The following TSHZ3 variants were observed in gnomAD, a reference collection of about 807,000 sequenced individuals.
The protein encoded by TSHZ3 is teashirt homolog 3.
A neutral mutation model predicts 64.5 loss-of-function variants in TSHZ3; 10 were observed. The observed-to-expected ratio is 0.16, with a 90% confidence interval of 0.10 to 0.26. The LOEUF (loss-of-function observed/expected upper bound fraction) is 0.26, where lower values mean the gene tolerates loss of function less well. TSHZ3 is among the 10% of genes least tolerant of loss of function. TSHZ3 has a pLI of 1.00. For missense variants in TSHZ3, 1,242 were observed against 1,421.7 expected (o/e 0.87, Z 2.03); for synonymous variants, 608 against 593.1 (o/e 1.03, Z -0.36).
chr19:31,337,793 A>G (rs1917296631), intron 1 of TSHZ3, among the ~76,000 whole-genome samples: 1 of 151,716 alleles, frequency 6.6e-6, no homozygotes, highest in African/African-American at 2.4e-5. Context: ...TACCATTTCC[A>G]TTTCTTTCCT....
chr19:31,263,300 G>A (rs1295180775), intron 1 of TSHZ3, among the ~76,000 whole-genome samples: 1 of 152,226 alleles, frequency 6.6e-6, no homozygotes, highest in African/African-American at 2.4e-5. Context: ...TCATTTTCAT[G>A]GAGGAAGGAC....
intron 6 of TSHZ3, among the ~76,000 whole-genome samples, chr19:31,152,540 G>C (rs1004436955): frequency 3.3e-5 from 5 of 152,210 alleles, no homozygotes; most frequent in South Asian, 2.1e-4. Context: ...CAATATAATT[G>C]TAACATGACT....
Position 31,169,062 on chromosome 19 carries a change from G to A in TSHZ3, n.810-12645C>T, listed in dbSNP as rs1211104401. 2.6e-5 allele frequency among the ~76,000 whole-genome samples: 4 copies of A among 152,094 alleles called. No individual in the cohort carries two copies. The East Asian group carries it at 7.7e-4, about 29-fold the overall frequency. ...CTGGAAATGGGAGAACCACAGGGCT[G>A]GGGAAGATGGTCACTCCACCCAGTG... On this transcript the variant is annotated intron_variant and non_coding_transcript_variant, in intron 5 of 6. Transcript: ENST00000651361.
intron 1 of TSHZ3, among the ~76,000 whole-genome samples, chr19:31,319,459 A>G (rs1443962249): frequency 1.3e-5 from 2 of 152,238 alleles, no homozygotes; most frequent in East Asian, 3.9e-4. Flanking sequence ...GCCACACTGA[A>G]GAAGTGAAAA....
chr19:31,178,591 A>G (rs1311930423), intron 5 of TSHZ3, among the ~76,000 whole-genome samples: 2 of 152,202 alleles, frequency 1.3e-5, no homozygotes, highest in African/African-American at 4.8e-5. Flanking sequence ...AGGCAGGAGA[A>G]TCACTTGAAA....
downstream of TSHZ3, among the ~76,000 whole-genome samples, chr19:31,274,696 A>C (rs1976195408): frequency 6.6e-6 from 1 of 151,662 alleles, no homozygotes; most frequent in Non-Finnish European, 1.5e-5. Flanking sequence ...CCTTATAGGC[A>C]TATCTTCCTT....
chr19:31,346,267 G>C (rs1917590214), intron 1 of TSHZ3, among the ~76,000 whole-genome samples: 1 of 152,042 alleles, frequency 6.6e-6, no homozygotes, highest in Admixed American at 6.6e-5. Context: ...CCATTAAAAG[G>C]GCCCTAATTC....
chr19:31,171,729 T>A (rs921338443), intron 5 of TSHZ3, among the ~76,000 whole-genome samples: 21 of 152,100 alleles, frequency 1.4e-4, no homozygotes, highest in Non-Finnish European at 3.1e-4. Context: ...ATACTCCCTG[T>A]GGGGTAGGAG....
chr19:31,185,258 G>A (rs1393818280), intron 5 of TSHZ3, among the ~76,000 whole-genome samples: 1 of 152,172 alleles, frequency 6.6e-6, no homozygotes, highest in East Asian at 1.9e-4. Context: ...TGGGCTTAAA[G>A]CTCTTCTTCA....
chr19:31,313,353 A>G (rs369429566), intron 1 of TSHZ3, among the ~76,000 whole-genome samples: 27 of 152,264 alleles, frequency 1.8e-4, no homozygotes, highest in East Asian at 1.2e-3. Context: ...AGCCATTATC[A>G]ATCACAGACA....
intron 1 of TSHZ3, among the ~76,000 whole-genome samples, chr19:31,294,515 G>T (rs1005069071): frequency 6.6e-6 from 1 of 152,186 alleles, no homozygotes; most frequent in Admixed American, 6.5e-5. Context: ...TCACTAGTGT[G>T]CATGTGAACA....
chr19:31,323,594 T>G (rs1463670816), intron 1 of TSHZ3, among the ~76,000 whole-genome samples: 3 of 152,144 alleles, frequency 2.0e-5, no homozygotes, highest in African/African-American at 7.2e-5. Flanking sequence ...AGCACTGGAT[T>G]TACCTCTGCT....
chr19:31,229,740 A>C (rs1218417335), intron 3 of TSHZ3, among the ~76,000 whole-genome samples: 2 of 152,222 alleles, frequency 1.3e-5, no homozygotes, highest in African/African-American at 4.8e-5. Context: ...TAAGTCTCTG[A>C]AATGTCAATG....
At chr19:31,192,945 A>C (rs1974932657) in intron 5 of TSHZ3, among the ~76,000 whole-genome samples, 1 of 152,184 alleles carries the variant, frequency 6.6e-6, no homozygotes, top group Admixed American at 6.5e-5. Context: ...TAGTGGGAGA[A>C]GCCTTTGCTG....
intron 1 of TSHZ3, among the ~76,000 whole-genome samples, chr19:31,293,712 T>C (rs1162962109): frequency 6.6e-6 from 1 of 152,252 alleles, no homozygotes; most frequent in Non-Finnish European, 1.5e-5. Context: ...CTGGCATTTA[T>C]CTCTTGTAGT....
At chr19:31,345,805 T>C (rs1407248420) in intron 1 of TSHZ3, among the ~76,000 whole-genome samples, 1 of 152,172 alleles carries the variant, frequency 6.6e-6, no homozygotes, top group Admixed American at 6.5e-5. Flanking sequence ...TTTTCTGGCA[T>C]TTTCAGAAAT....
intron 5 of TSHZ3, among the ~76,000 whole-genome samples, chr19:31,176,976 T>A (rs2145121200): frequency 6.6e-6 from 1 of 152,246 alleles, no homozygotes; most frequent in Non-Finnish European, 1.5e-5. Flanking sequence ...ACTGGCAGTA[T>A]CTACCATGTG....
chr19:31,175,051 A>T (rs1974588445), intron 5 of TSHZ3, among the ~76,000 whole-genome samples: 1 of 152,160 alleles, frequency 6.6e-6, no homozygotes, highest in Admixed American at 6.5e-5. Context: ...TGGAAAAGTG[A>T]GGAGTGGAAA....
At chr19:31,322,136 G>T (rs1017332428) in intron 1 of TSHZ3, among the ~76,000 whole-genome samples, 10 of 151,194 alleles carry the variant, frequency 6.6e-5, no homozygotes, top group Non-Finnish European at 1.0e-4. Flanking sequence ...ATGTTTGTTT[G>T]TTTTTTTTTG....
Sources: allele counts gnomAD v4.1 joint callset (sites outside exome capture counted in the v4.1 genomes callset), GRCh38; gene constraint gnomAD v4.1.1; transcripts MANE v1.5; gene names NCBI Gene and HGNC (gene_info 2026-07-23, HGNC 2026-07-21).